RCL1: variants seen among roughly 807,000 people sequenced by gnomAD.
RCL1 encodes RNA terminal phosphate cyclase like 1.
A neutral mutation model predicts 42.4 loss-of-function variants in RCL1; 24 were observed. The observed-to-expected ratio is 0.57, with a 90% confidence interval of 0.41 to 0.80. The LOEUF (loss-of-function observed/expected upper bound fraction) is 0.80. RCL1 is among the 30% of genes least tolerant of loss of function. RCL1 has a pLI of 0.00. For synonymous variants in RCL1, 228 were observed against 177.3 expected (o/e 1.29, Z -2.27); for missense variants, 578 against 467.9 (o/e 1.24, Z -2.17).
chr9:4,820,714 G>T (rs1252913206), intron 1 of RCL1, among the ~76,000 whole-genome samples: 1 of 152,088 alleles, frequency 6.6e-6, no homozygotes, highest in African/African-American at 2.4e-5. Context: ...TTTTTCTGCA[G>T]AGCACGTTAG....
chr9:4,840,131 G>C (rs1817266220), intron 5 of RCL1, among the ~76,000 whole-genome samples: 2 of 151,748 alleles, frequency 1.3e-5, no homozygotes, highest in Non-Finnish European at 2.9e-5. Context: ...TTCAGGATGG[G>C]TCAAAAAAGG....
At chr9:4,821,644 A>AT (rs375803052) in intron 1 of RCL1, among the ~76,000 whole-genome samples, 35 of 148,410 alleles carry the variant, frequency 2.4e-4, no homozygotes, top group Non-Finnish European at 3.4e-4. Context: ...AGCTGGACTC[A>AT]TTTTTTTTTT....
At chr9:4,827,457 G>C in intron 3 of RCL1, 1 of 355,138 alleles carries the variant, frequency 2.8e-6, no homozygotes, top group South Asian at 4.2e-5. Flanking sequence ...GACTTACCCA[G>C]GCTTCAATCA....
rs544237131 is a variant in RCL1, at chr9:4,797,680, A to G, written c.136+4453A>G. On this transcript the variant is annotated intron_variant, in intron 1 of 8. Coordinates refer to ENST00000381750, the MANE Select transcript of RCL1 (RefSeq NM_005772.5). ...GAAAAACCCTGGCCTACTTGACAGT[A>G]GTAATTAAACCTTTTCTTTTCCCTG... Among the ~76,000 whole-genome samples the G allele has an allele frequency of 6.6e-5, 10 of 152,370 alleles. No individual in the cohort carries two copies. The East Asian group carries it at 1.9e-3, about 29-fold the overall frequency.
At chr9:4,833,662 T>G (rs1251661038) in intron 4 of RCL1, among the ~76,000 whole-genome samples, 1 of 152,234 alleles carries the variant, frequency 6.6e-6, no homozygotes, top group African/African-American at 2.4e-5. Context: ...AGAAGTAGTT[T>G]AAGCATCTGT....
intron 1 of RCL1, among the ~76,000 whole-genome samples, chr9:4,812,264 T>C (rs963723548): frequency 2.2e-4 from 34 of 152,152 alleles, no homozygotes; most frequent in Non-Finnish European, 4.6e-4. Context: ...TTGCCCAGAG[T>C]AAACGTCCTG....
At chr9:4,806,526 C>T (rs1439050231) in intron 1 of RCL1, among the ~76,000 whole-genome samples, 1 of 147,710 alleles carries the variant, frequency 6.8e-6, no homozygotes, top group African/African-American at 2.5e-5. Context: ...TGGTGTATTG[C>T]CTTGATTGAT....
chr9:4,795,219 A>G (rs1051339455), intron 1 of RCL1, among the ~76,000 whole-genome samples: 2 of 152,030 alleles, frequency 1.3e-5, no homozygotes, highest in Non-Finnish European at 2.9e-5. Context: ...CTGGGATTAC[A>G]GGTGCCTGCC....
At position 4,834,050 on chromosome 9, in the gene RCL1, C is replaced by T. The variant is rs992494075; in HGVS notation, c.460-91C>T. On this transcript the variant is annotated intron_variant, in intron 4 of 8. Coordinates refer to ENST00000381750, the MANE Select transcript of RCL1 (RefSeq NM_005772.5). ...GGAAGAGCTATGCCTTGTAAGGAAGCATCTGCTGGTGTAAACCTTCCTGGG... is the reference window on the plus strand; with the variant it reads ...GGAAGAGCTATGCCTTGTAAGGAAGTATCTGCTGGTGTAAACCTTCCTGGG... 23 of 1,387,486 alleles carry T rather than the reference C, an allele frequency of 1.7e-5. 1 individual carries two copies. The Middle Eastern group carries it at 9.9e-4, about 59-fold the overall frequency. 85.9% of individuals were successfully genotyped at this position (1,387,486 alleles called of 1,614,324 possible).
At chr9:4,827,872 G>T (rs1178802551) in intron 3 of RCL1, among the ~76,000 whole-genome samples, 1 of 151,942 alleles carries the variant, frequency 6.6e-6, no homozygotes, top group Non-Finnish European at 1.5e-5. Context: ...TGGATGCTCT[G>T]CTGTCAGAGA....
chr9:4,793,152 G>C lies in RCL1; in HGVS notation c.61G>C (p.Val21Leu). The C allele has an allele frequency of 1.2e-6, 2 of 1,612,468 alleles. No homozygotes were observed. The highest frequency in any genetic ancestry group is 1.3e-5 in the African/African-American group (1 of 74,890). Reference protein sequence around the residue: ...AGCNFLRQRLVLSTLSGRPVK... With the variant: ...AGCNFLRQRLLLSTLSGRPVK... ...GTGCAACTTCTTGCGCCAACGTCTG[G>C]TCCTGTCTACCCTGAGCGGGCGCCC... is the stretch of plus-strand genomic sequence containing the variant. The change falls in exon 1 of 9, where the codon GTC becomes CTC. Residue 21 changes from valine to leucine, a missense_variant. Transcript: ENST00000381750.
In RCL1 at chr9:4,793,203, A is replaced by G. The variant is rs765267589; in HGVS notation, c.112A>G (p.Arg38Gly). ...RPVKIRKIRA[R>G]DDNPGLRDFE... ...CGTCAAAATCCGAAAGATTCGGGCCAGAGACGACAACCCGGGCCTCCGAGG... is the reference window on the plus strand; with the variant it reads ...CGTCAAAATCCGAAAGATTCGGGCCGGAGACGACAACCCGGGCCTCCGAGG... Residue 38 changes from arginine (R) to glycine (G), a missense_variant, in exon 1 of 9, where the codon AGA becomes GGA. Physicochemically the swap from Arg to Gly is moderately radical, Grantham distance 125 (BLOSUM62 -2). Coordinates refer to ENST00000381750, the MANE Select transcript of RCL1 (RefSeq NM_005772.5). 5 of 1,606,062 alleles carry G rather than the reference A, an allele frequency of 3.1e-6. No individual in the cohort carries two copies. Among genetic ancestry groups the G allele is most frequent in the Admixed American group, 3.4e-5 (2 of 59,116 alleles).
At chr9:4,797,899 G>A (rs1842939163) in intron 1 of RCL1, among the ~76,000 whole-genome samples, 2 of 152,180 alleles carry the variant, frequency 1.3e-5, no homozygotes, top group South Asian at 4.1e-4. Flanking sequence ...GTCCCGGGCT[G>A]GTGATTATAA....
At chr9:4,852,808 A>C in intron 8 of RCL1, among the ~76,000 whole-genome samples, 1 of 149,426 alleles carries the variant, frequency 6.7e-6, no homozygotes, top group South Asian at 2.1e-4. Flanking sequence ...GAGCAGGACT[A>C]CCCCAGAGGC....
chr9:4,838,226 C>G (rs1430588022), intron 5 of RCL1, among the ~76,000 whole-genome samples: 8 of 152,208 alleles, frequency 5.3e-5, no homozygotes, highest in Admixed American at 5.2e-4. Context: ...GTGGTTTTAA[C>G]TGAATTACTT....
Position 4,797,293 on chromosome 9 carries a change from T to G in RCL1, c.136+4066T>G, listed in dbSNP as rs147416591. 9.7e-4 allele frequency among the ~76,000 whole-genome samples: 148 copies of G among 152,360 alleles called. 2 individuals carry two copies. The highest frequency in any genetic ancestry group is 3.3e-3 in the African/African-American group (139 of 41,586). On this transcript the variant is annotated intron_variant, in intron 1 of 8. Transcript: ENST00000381750. ...TAAATGTTAGCTGATTTTATTATTA[T>G]GTAGCTTGAACCCACTGGGTATAGG... is the stretch of plus-strand genomic sequence containing the variant.
intron 5 of RCL1, 103 bp from the exon 6 acceptor site, chr9:4,841,129 C>A: frequency 8.2e-7 from 1 of 1,214,368 alleles, no homozygotes; most frequent in South Asian, 1.3e-5. Flanking sequence ...ATTTGGAAGT[C>A]CCAGTTTGTT....
At chr9:4,820,551 A>C (rs1816559133) in intron 1 of RCL1, among the ~76,000 whole-genome samples, 2 of 152,200 alleles carry the variant, frequency 1.3e-5, no homozygotes, top group South Asian at 2.1e-4. Context: ...ATTGCAAAAA[A>C]CAAAATCTAG....
intron 2 of RCL1, 49 bp downstream of exon 2, chr9:4,823,668 C>A: frequency 1.6e-6 from 2 of 1,276,878 alleles, no homozygotes; most frequent in Non-Finnish European, 2.2e-6. Flanking sequence ...CTAAAGCATT[C>A]CTGTTTCTCA....
Sources: gnomAD v4.1 joint callset for allele counts (sites outside exome capture counted in the v4.1 genomes callset) on GRCh38, gnomAD v4.1.1 for gene constraint, MANE v1.5 for transcripts, NCBI Gene and HGNC (gene_info 2026-07-23, HGNC 2026-07-21) for gene names.